NUP155: variants seen among roughly 807,000 people sequenced by gnomAD.
NUP155 encodes nuclear pore complex protein Nup155.
A neutral mutation model predicts 180.4 loss-of-function variants in NUP155; 71 were observed. That is an observed-to-expected ratio of 0.39 (90% CI 0.33 to 0.48). The LOEUF (loss-of-function observed/expected upper bound fraction) is 0.48, where lower values mean the gene tolerates loss of function less well. Ranked by LOEUF, NUP155 falls within the 20% of genes least tolerant of loss-of-function variation. The pLI, the probability that NUP155 is intolerant of heterozygous loss-of-function variation, is 0.91. For missense variants in NUP155, 1,553 were observed against 1,648.9 expected, an observed-to-expected ratio of 0.94 and a Z score of 1.01; for synonymous variants, 582 against 559.5, an observed-to-expected ratio of 1.04 and a Z score of -0.57.
At chr5:37,314,547 T>C (rs1332294156) in intron 21 of NUP155, among the ~76,000 whole-genome samples, 1 of 152,182 alleles carries the variant, frequency 6.6e-6, no homozygotes, top group Non-Finnish European at 1.5e-5. Context: ...CATGAAAATA[T>C]TGCTGTGTGG....
At chr5:37,327,451 C>T (rs1312076674) in intron 18 of NUP155, among the ~76,000 whole-genome samples, 178 bp downstream of exon 18, 1 of 152,048 alleles carries the variant, frequency 6.6e-6, no homozygotes, top group East Asian at 1.9e-4. Context: ...TAAAACACAG[C>T]AATGAATATA....
chr5:37,362,386 T>G (rs1409880629), intron 3 of NUP155, among the ~76,000 whole-genome samples: 3 of 151,998 alleles, frequency 2.0e-5, no homozygotes, highest in African/African-American at 7.2e-5. Flanking sequence ...CCTCCCAGGT[T>G]CAAGTGATTC....
intron 32 of NUP155, 126 bp downstream of exon 32, chr5:37,298,723 GTCTTTCCGGAGAGGCAGAA>G: frequency 1.5e-6 from 1 of 652,506 alleles, no homozygotes. Flanking sequence ...TTCTTTGGAA[GTCTTTCCGGAGAGGCAGAA>G]TTAAAGTGCT....
At chr5:37,370,060 A>C (rs1747858668) in intron 1 of NUP155, among the ~76,000 whole-genome samples, 1 of 152,174 alleles carries the variant, frequency 6.6e-6, no homozygotes, top group Non-Finnish European at 1.5e-5. Context: ...TTCATAACAC[A>C]CATCTCTACA....
intron 27 of NUP155, among the ~76,000 whole-genome samples, chr5:37,303,615 A>G (rs1012695170): frequency 3.3e-5 from 5 of 152,224 alleles, no homozygotes; most frequent in Admixed American, 2.6e-4. Context: ...CACAGTTAGC[A>G]TAAGAGTTTC....
At chr5:37,310,785 A>G (rs750255234) in intron 22 of NUP155, 42 bp from the exon 23 acceptor site, 21 of 1,362,630 alleles carry the variant, frequency 1.5e-5, no homozygotes, top group African/African-American at 2.9e-5. Flanking sequence ...TAGAAATACC[A>G]TATTTCTAAA....
At position 37,289,015 on chromosome 5, in the gene NUP155, G is replaced by A. The variant is rs1485903582; in HGVS notation, c.*2885C>T. ...GAACCCAGGAAGTGGAGGTTGTGGT[G>A]AGCCAAGATCGTGCCATTGCACTCC... On this transcript the variant is annotated 3_prime_UTR_variant, in exon 35 of 35. Coordinates refer to ENST00000231498, the MANE Select transcript of NUP155 (RefSeq NM_153485.3). The A allele has an allele frequency of 6.5e-6, 1 of 153,926 alleles. No homozygotes were observed. The highest frequency in any genetic ancestry group is 1.4e-5 in the Non-Finnish European group (1 of 69,412). 9.5% of individuals were successfully genotyped at this position (153,926 alleles called of 1,614,324 possible). A position where few individuals can be genotyped will look rare whatever the true frequency, so the allele number is the denominator to read the frequency against.
chr5:37,319,408 T>C (rs1250801695), intron 20 of NUP155, among the ~76,000 whole-genome samples: 1 of 152,182 alleles, frequency 6.6e-6, no homozygotes, highest in Admixed American at 6.6e-5. Flanking sequence ...GTTATAGGAA[T>C]CCAAGGGTTG....
intron 9 of NUP155, among the ~76,000 whole-genome samples, chr5:37,346,515 T>G (rs1043927743): frequency 6.6e-6 from 1 of 151,530 alleles, no homozygotes; most frequent in Non-Finnish European, 1.5e-5. Context: ...CTACTGAAAA[T>G]ACAAAAATTA....
chr5:37,299,024 G>T, intron 31 of NUP155, 46 bp from the exon 32 acceptor site: 1 of 1,079,848 alleles, frequency 9.3e-7, no homozygotes, highest in Non-Finnish European at 1.4e-6. Context: ...TACTTTTAAT[G>T]TGAAATGTTT....
intron 21 of NUP155, among the ~76,000 whole-genome samples, chr5:37,314,869 A>G (rs1743784785): frequency 6.6e-6 from 1 of 152,168 alleles, no homozygotes; most frequent in African/African-American, 2.4e-5. Flanking sequence ...AATGATGAAT[A>G]GAAACCTAGG....
intron 7 of NUP155, among the ~76,000 whole-genome samples, chr5:37,349,840 C>G (rs1746345165): frequency 6.6e-6 from 1 of 152,064 alleles, no homozygotes. Flanking sequence ...TGTTCTAGAC[C>G]AAGCAAACAA....
intron 18 of NUP155, 128 bp downstream of exon 18, chr5:37,327,501 G>C (rs1744678086): frequency 6.4e-6 from 6 of 937,464 alleles, no homozygotes; most frequent in Non-Finnish European, 8.4e-6. Flanking sequence ...AAGTTTTATT[G>C]ATCAACAAGT....
intron 1 of NUP155, among the ~76,000 whole-genome samples, chr5:37,365,711 GAGAAAAAAAAAA>G (rs1747520694): frequency 1.5e-4 from 5 of 34,002 alleles, no homozygotes; most frequent in African/African-American, 6.3e-4. Flanking sequence ...CTGTCTCGGG[GAGAAAAAAAAAA>G]AAAAAAAAAA....
chr5:37,356,827 C>T (rs1013777363), intron 4 of NUP155, among the ~76,000 whole-genome samples: 1 of 152,178 alleles, frequency 6.6e-6, no homozygotes, highest in Non-Finnish European at 1.5e-5. Flanking sequence ...AAGAATATGG[C>T]CAGGGCACGG....
chr5:37,349,305 A>G, intron 7 of NUP155, 60 bp from the exon 8 acceptor site: 1 of 551,174 alleles, frequency 1.8e-6, no homozygotes, highest in East Asian at 3.7e-5. Context: ...AACAAAGCAA[A>G]TACATTAGCT....
At chr5:37,311,368 A>G (rs1345104058) in intron 22 of NUP155, among the ~76,000 whole-genome samples, 1 of 152,184 alleles carries the variant, frequency 6.6e-6, no homozygotes, top group Non-Finnish European at 1.5e-5. Flanking sequence ...ACAAAAACAT[A>G]CCCAGGATAA....
chr5:37,365,802 C>G (rs1233645570), intron 1 of NUP155, among the ~76,000 whole-genome samples: 4 of 135,074 alleles, frequency 3.0e-5, no homozygotes, highest in African/African-American at 1.1e-4. Context: ...CAGACGCCTA[C>G]TATGTACACA....
chr5:37,323,465 T>C (rs112423427), intron 20 of NUP155, among the ~76,000 whole-genome samples: 29 of 152,134 alleles, frequency 1.9e-4, no homozygotes, highest in Non-Finnish European at 3.5e-4. Flanking sequence ...ACACCAAAGG[T>C]TATCTGTTGC....
Sources: allele counts gnomAD v4.1 joint callset (sites outside exome capture counted in the v4.1 genomes callset), GRCh38; gene constraint gnomAD v4.1.1; transcripts MANE v1.5; gene names NCBI Gene and HGNC (gene_info 2026-07-23, HGNC 2026-07-21).